The following METTL22 variants were observed in gnomAD, a reference collection of about 807,000 sequenced individuals.
METTL22 encodes methyltransferase 22, Kin17 lysine, also known as methyltransferase-like protein 22.
A neutral mutation model predicts 48.4 loss-of-function variants in METTL22; 51 were observed. That is an observed-to-expected ratio of 1.05 (90% CI 0.84 to 1.33). The LOEUF is 1.33. Among genes scored for constraint, METTL22 ranks in the 40% most tolerant of loss-of-function variants. METTL22 has a pLI of 0.00. For missense variants in METTL22, 678 were observed against 526.9 expected (o/e 1.29, Z -2.81); for synonymous variants, 255 against 214.1 (o/e 1.19, Z -1.67).
chr16:8,655,356 C>T, the METTL22 span, among the ~76,000 whole-genome samples: 4 of 152,280 alleles, frequency 2.6e-5, no homozygotes, highest in Non-Finnish European at 5.9e-5. Flanking sequence ...CTAAGGGCCT[C>T]AGTTCCTCAC....
Position 8,638,265 on chromosome 16 carries a change from C to G in METTL22, c.701-826C>G, listed in dbSNP as rs190210095. Among the ~76,000 whole-genome samples the G allele has an allele frequency of 2.1e-4, 32 of 152,280 alleles. No homozygotes were observed. In the East Asian group the frequency reaches 5.8e-3, roughly 28 times the overall value. On this transcript the variant is annotated intron_variant, in intron 5 of 10. Transcript: ENST00000381920. Reference sequence around the variant, plus strand: ...CAGGGAGCTCCTCCCGTACATGGCTCTGTGTGACCCCTGGGGTGCAGATGT... The same window carrying G: ...CAGGGAGCTCCTCCCGTACATGGCTGTGTGTGACCCCTGGGGTGCAGATGT...
rs753638798 is a variant in METTL22 at position 8,639,081 on chromosome 16, GT to G, written c.701-9del. 3 of 1,614,006 alleles carry G rather than the reference GT, an allele frequency of 1.9e-6. No homozygotes were observed. Among genetic ancestry groups the G allele is most frequent in the Non-Finnish European group, 1.7e-6 (2 of 1,180,004 alleles). On this transcript the variant is annotated splice_polypyrimidine_tract_variant and intron_variant, in intron 5 of 10. Coordinates refer to ENST00000381920, the MANE Select transcript of METTL22 (RefSeq NM_024109.4). ...GCTGGCACTTTATGGCTTGCCCTCTGTCATTCCAGATGTCGGTGCAGATCTC... is the reference window on the plus strand; with the variant it reads ...GCTGGCACTTTATGGCTTGCCCTCTGCATTCCAGATGTCGGTGCAGATCTC...
intron 1 of METTL22, among the ~76,000 whole-genome samples, chr16:8,623,312 G>GA (rs567766667): frequency 0.038 from 4,483 of 119,310 alleles, 192 homozygotes; most frequent in African/African-American, 0.11. Context: ...CTCTGTCTCA[G>GA]AAAAAAAAAA....
chr16:8,664,161 C>T, the METTL22 span, among the ~76,000 whole-genome samples: 3 of 151,524 alleles, frequency 2.0e-5, no homozygotes, highest in Non-Finnish European at 4.4e-5. Context: ...GATGTCGGCT[C>T]ACTGCATCCT....
intron 8 of METTL22, 118 bp downstream of exon 8, chr16:8,642,325 C>G: frequency 8.2e-7 from 1 of 1,225,036 alleles, no homozygotes; most frequent in Non-Finnish European, 1.2e-6. Context: ...TACATGCCAC[C>G]ACATCTGCAG....
chr16:8,653,003 C>A (rs893154380), downstream of METTL22, among the ~76,000 whole-genome samples: 12 of 152,198 alleles, frequency 7.9e-5, no homozygotes, highest in Admixed American at 3.9e-4. Context: ...CCTGTTGCAT[C>A]TCAGGTGACT....
At chr16:8,645,361 G>T (rs938603183) in intron 10 of METTL22, among the ~76,000 whole-genome samples, 14 of 152,198 alleles carry the variant, frequency 9.2e-5, no homozygotes, top group Non-Finnish European at 1.5e-5. Context: ...GTGTGGTTTT[G>T]TGTGCGAGGA....
chr16:8,664,088 T>C, the METTL22 span, among the ~76,000 whole-genome samples: 1 of 147,034 alleles, frequency 6.8e-6, no homozygotes, highest in Non-Finnish European at 1.5e-5. Flanking sequence ...CTAAGTTTTT[T>C]AATTTTTTTT....
intron 3 of METTL22, among the ~76,000 whole-genome samples, chr16:8,630,008 C>T (rs988672096): frequency 9.9e-5 from 9 of 90,562 alleles, no homozygotes; most frequent in South Asian, 9.8e-4. Flanking sequence ...CAGGGCTTTG[C>T]CTCCCCCTGG....
rs754423164 is a variant in METTL22, at chr16:8,644,658, G to T, written c.1112G>T (p.Arg371Leu). 1 of 1,606,546 alleles carries T rather than the reference G, an allele frequency of 6.2e-7. No homozygotes were observed. The highest frequency in any genetic ancestry group is 1.3e-5 in the African/African-American group (1 of 74,848). ...ALEQLADGKLRFVVEPVEASF... is the reference protein window; with the variant it reads ...ALEQLADGKLLFVVEPVEASF... ...GAGCAGCTCGCAGATGGCAAGCTGC[G>T]CTTCGTGGTGGAGCCCGTGGAGGCC... Residue 371 changes from arginine (R) to leucine (L), a missense_variant, in exon 10 of 11, where the codon CGC becomes CTC. Transcript: ENST00000381920.
rs2056805200 is a variant in METTL22 at position 8,646,560 on chromosome 16, T to C, written c.*417T>C. The C allele has an allele frequency of 4.1e-6, 2 of 482,346 alleles. No individual in the cohort carries two copies. Among genetic ancestry groups the C allele is most frequent in the Non-Finnish European group, 8.2e-6 (2 of 244,526 alleles). The allele number at this position is 482,346 out of a possible 1,614,324, so 29.9% of individuals were successfully genotyped here. ...TACCACTGCCAGTATTGCCATCATA[T>C]TGCCGCTCGGCACAAAAGCCTCATT... On this transcript the variant is annotated 3_prime_UTR_variant, in exon 11 of 11. Transcript: ENST00000381920.
chr16:8,642,597 G>C, intron 9 of METTL22, 32 bp downstream of exon 9: 1 of 1,583,010 alleles, frequency 6.3e-7, no homozygotes, highest in Non-Finnish European at 8.7e-7. Flanking sequence ...CCGTGCTGAC[G>C]TCCCGAGTGT....
intron 3 of METTL22, among the ~76,000 whole-genome samples, chr16:8,633,911 T>G (rs1731050): frequency 0.99 from 150,435 of 152,344 alleles, 74,307 homozygotes; most frequent in Middle Eastern, 1. Flanking sequence ...ACCCAGGGCT[T>G]GCTCACAGAA....
chr16:8,644,374 C>T (rs911076952), intron 9 of METTL22, 183 bp from the exon 10 acceptor site: 7 of 574,548 alleles, frequency 1.2e-5, no homozygotes, highest in African/African-American at 9.6e-5. Flanking sequence ...CTTCCACCTC[C>T]TGGGCTGTCG....
chr16:8,637,026 G>A (rs2056444777), intron 5 of METTL22, among the ~76,000 whole-genome samples: 3 of 152,208 alleles, frequency 2.0e-5, no homozygotes, highest in Non-Finnish European at 4.4e-5. Flanking sequence ...TAACGTGCCA[G>A]AGTGCTTTCT....
At chr16:8,641,263 T>C (rs8062990) in intron 7 of METTL22, 79 bp downstream of exon 7, 1,289,878 of 1,454,212 alleles carry the variant, frequency 0.89, 573,141 homozygotes, top group East Asian at 1. Flanking sequence ...GCTCTGTGGT[T>C]TTGACAGAGC....
chr16:8,651,157 G>A (rs931872988), downstream of METTL22, among the ~76,000 whole-genome samples: 6 of 152,102 alleles, frequency 3.9e-5, no homozygotes, highest in African/African-American at 1.2e-4. Flanking sequence ...GGAGGCCGAG[G>A]TGGGCAGATC....
In METTL22 at chr16:8,635,092, T is replaced by C. The variant is rs1405240859; in HGVS notation, c.555+13T>C. Reference sequence around the variant, plus strand: ...TGTTGGCAAGCAGGTGGGTAGGTCTTGTCCGCTTCCTGTGGCCCTGATGGG... The same window carrying C: ...TGTTGGCAAGCAGGTGGGTAGGTCTCGTCCGCTTCCTGTGGCCCTGATGGG... On this transcript the variant is annotated intron_variant, in intron 4 of 10. Transcript: ENST00000381920. The C allele has an allele frequency of 3.1e-6, 5 of 1,613,906 alleles. No homozygotes were observed. Among genetic ancestry groups the C allele is most frequent in the Admixed American group, 3.3e-5 (2 of 60,006 alleles).
At chr16:8,653,612 A>G (rs1191323922), downstream of METTL22, among the ~76,000 whole-genome samples, 1 of 152,266 alleles carries the variant, frequency 6.6e-6, no homozygotes, top group African/African-American at 2.4e-5. Flanking sequence ...TCTATTGATT[A>G]CTAGATGCCT....
Sources: gnomAD v4.1 joint callset for allele counts (sites outside exome capture counted in the v4.1 genomes callset) on GRCh38, gnomAD v4.1.1 for gene constraint, MANE v1.5 for transcripts, NCBI Gene and HGNC (gene_info 2026-07-23, HGNC 2026-07-21) for gene names.